The following AGBL1 variants were observed in gnomAD, a reference collection of about 807,000 sequenced individuals.
The protein encoded by AGBL1 is AGBL carboxypeptidase 1.
A neutral mutation model predicts 118.9 loss-of-function variants in AGBL1; 130 were observed. That is an observed-to-expected ratio of 1.09 (90% CI 0.95 to 1.26). The LOEUF is 1.26. Ranked by LOEUF, AGBL1 falls within the 50% of genes most tolerant of loss-of-function variation. The pLI is 0.00. For synonymous variants in AGBL1, 555 were observed against 478.9 expected (o/e 1.16, Z -2.08); for missense variants, 1,584 against 1,298.1 (o/e 1.22, Z -3.38).
At position 86,915,070 on chromosome 15, in the gene AGBL1, C is replaced by G. The variant is rs2080402283; in HGVS notation, c.*7776C>G. 1 of 152,114 alleles carries G rather than the reference C, an allele frequency of 6.6e-6. No homozygotes were observed. The highest frequency in any genetic ancestry group is 1.9e-4 in the East Asian group (1 of 5,176). The allele number at this position is 152,114 out of a possible 1,614,324, so 9.4% of individuals were successfully genotyped here. ...TCACTGTCTGGCCGAGGCAGGTACTCAGATCTTCACTAAATAGATGAATCT... is the reference window on the plus strand; with the variant it reads ...TCACTGTCTGGCCGAGGCAGGTACTGAGATCTTCACTAAATAGATGAATCT... On this transcript the variant is annotated 3_prime_UTR_variant, in exon 23 of 23. Transcript: ENST00000614907.
intron 24 of AGBL1, among the ~76,000 whole-genome samples, chr15:87,018,532 T>A (rs961875986): frequency 6.6e-6 from 1 of 152,060 alleles, no homozygotes; most frequent in Non-Finnish European, 1.5e-5. Flanking sequence ...GAAAAGGAGA[T>A]ATAAGATCTT....
At chr15:86,228,755 A>G (rs1597590034) in intron 6 of AGBL1, among the ~76,000 whole-genome samples, 1 of 152,120 alleles carries the variant, frequency 6.6e-6, no homozygotes, top group African/African-American at 2.4e-5. Flanking sequence ...CCAGTGTAGA[A>G]TATGTGGGTG....
chr15:86,127,850 G>A (rs1045785275), intron 1 of AGBL1, among the ~76,000 whole-genome samples: 1 of 152,130 alleles, frequency 6.6e-6, no homozygotes, highest in Non-Finnish European at 1.5e-5. Context: ...TGAACATGTT[G>A]ATCTTGGAGG....
chr15:86,795,562 A>G (rs2078557619), intron 22 of AGBL1, among the ~76,000 whole-genome samples: 1 of 149,222 alleles, frequency 6.7e-6, no homozygotes, highest in Admixed American at 6.7e-5. Context: ...CAGGCATTTG[A>G]CTAGTAAACC....
chr15:86,602,850 A>G (rs2346734), intron 21 of AGBL1, among the ~76,000 whole-genome samples: 74,585 of 151,998 alleles, frequency 0.49, 18,374 homozygotes, highest in Middle Eastern at 0.53. Context: ...TGAAGTCGAT[A>G]TCAAAAGCCT....
intron 22 of AGBL1, among the ~76,000 whole-genome samples, chr15:86,769,575 T>A (rs1308130585): frequency 6.6e-6 from 1 of 151,998 alleles, no homozygotes; most frequent in Admixed American, 6.6e-5. Context: ...TTGTCCAGTT[T>A]GACTGATGCC....
At chr15:86,274,730 A>G (rs1343711701) in intron 15 of AGBL1, among the ~76,000 whole-genome samples, 1 of 152,170 alleles carries the variant, frequency 6.6e-6, no homozygotes, top group Admixed American at 6.5e-5. Context: ...TTGCTGTACC[A>G]TCATCTAGTT....
intron 15 of AGBL1, among the ~76,000 whole-genome samples, chr15:86,275,420 T>C (rs2079235130): frequency 6.6e-6 from 1 of 152,226 alleles, no homozygotes; most frequent in African/African-American, 2.4e-5. Context: ...CTCTGCCTTA[T>C]TAGATCCTGT....
At chr15:86,402,608 T>TTTATGAGATTAGA (rs2081465380) in intron 18 of AGBL1, among the ~76,000 whole-genome samples, 1 of 152,158 alleles carries the variant, frequency 6.6e-6, no homozygotes, top group Non-Finnish European at 1.5e-5. Context: ...AACCAAAACC[T>TTTATGAGATTAGA]GAACTTGGCA....
At chr15:86,890,649 C>A (rs749398602) in intron 22 of AGBL1, among the ~76,000 whole-genome samples, 1 of 152,094 alleles carries the variant, frequency 6.6e-6, no homozygotes, top group Non-Finnish European at 1.5e-5. Context: ...ATAGGGAATT[C>A]TTTCCCTATT....
chr15:86,445,712 C>T (rs770108107), intron 18 of AGBL1, among the ~76,000 whole-genome samples: 1 of 152,276 alleles, frequency 6.6e-6, no homozygotes, highest in African/African-American at 2.4e-5. Flanking sequence ...CAGATGAGTT[C>T]ATTCATCCAT....
intron 18 of AGBL1, among the ~76,000 whole-genome samples, chr15:86,411,124 C>T (rs2081613934): frequency 6.6e-6 from 1 of 150,872 alleles, no homozygotes; most frequent in Admixed American, 6.7e-5. Flanking sequence ...TAACTGGCAC[C>T]TTGGAATGGA....
chr15:86,310,616 C>T (rs1196601649), intron 17 of AGBL1, among the ~76,000 whole-genome samples: 1 of 152,076 alleles, frequency 6.6e-6, no homozygotes, highest in African/African-American at 2.4e-5. Context: ...TCTCAGGGGA[C>T]TGGCTTGGAG....
chr15:86,686,787 A>G (rs1281138067), intron 22 of AGBL1, among the ~76,000 whole-genome samples: 1 of 152,110 alleles, frequency 6.6e-6, no homozygotes, highest in Non-Finnish European at 1.5e-5. Flanking sequence ...ACAAATAGTC[A>G]TGAGATACAT....
At chr15:86,382,112 G>C (rs956292142) in intron 17 of AGBL1, among the ~76,000 whole-genome samples, 1 of 152,126 alleles carries the variant, frequency 6.6e-6, no homozygotes, top group African/African-American at 2.4e-5. Context: ...GACTAGAAGG[G>C]TGGCAATGCA....
chr15:86,789,054 C>G (rs2141325388), intron 22 of AGBL1, among the ~76,000 whole-genome samples: 1 of 152,310 alleles, frequency 6.6e-6, no homozygotes, highest in East Asian at 1.9e-4. Context: ...AAAGAACCTT[C>G]TAGCTAGAGG....
rs541499124 is a variant in AGBL1, at chr15:86,898,844, C to A, written c.3159-8243C>A. Among the ~76,000 whole-genome samples the A allele has an allele frequency of 2.0e-5, 3 of 152,050 alleles. No homozygotes were observed. In the East Asian group the frequency reaches 5.8e-4, roughly 29 times the overall value. ...GCAAATCAAAATGACAATGAGATAC[C>A]ATCTCGCACCAGACAGAATGGGTAT... On this transcript the variant is annotated intron_variant, in intron 22 of 22. Transcript: ENST00000614907.
At chr15:86,639,211 A>C (rs1397708621) in intron 21 of AGBL1, among the ~76,000 whole-genome samples, 1 of 152,198 alleles carries the variant, frequency 6.6e-6, no homozygotes, top group Non-Finnish European at 1.5e-5. Flanking sequence ...AGGCTGTTAC[A>C]CAGAGGCACA....
intron 18 of AGBL1, among the ~76,000 whole-genome samples, chr15:86,403,538 G>C (rs1308130671): frequency 2.0e-5 from 3 of 152,044 alleles, no homozygotes; most frequent in Non-Finnish European, 4.4e-5. Context: ...TCCACTGTGG[G>C]TTGTGAAGAC....
Sources: allele counts gnomAD v4.1 joint callset (sites outside exome capture counted in the v4.1 genomes callset), GRCh38; gene constraint gnomAD v4.1.1; transcripts MANE v1.5; gene names NCBI Gene and HGNC (gene_info 2026-07-23, HGNC 2026-07-21).